The following NDUFV2 variants were observed in gnomAD, a reference collection of about 807,000 sequenced individuals.
The protein encoded by NDUFV2 is NADH:ubiquinone oxidoreductase core subunit V2.
In NDUFV2, 18 loss-of-function variants were observed where a neutral mutation model predicts 31.6. The observed-to-expected ratio is 0.57, with a 90% CI of 0.39 to 0.84. The LOEUF is 0.84. NDUFV2 is among the 40% of genes least tolerant of loss of function. NDUFV2 has a pLI of 0.00. For synonymous variants in NDUFV2, 83 were observed against 99.8 expected (o/e 0.83, Z 1.01); for missense variants, 314 against 303.6 (o/e 1.03, Z -0.26).
At chr18:9,116,939 A>C (rs2077901177) in intron 1 of NDUFV2, among the ~76,000 whole-genome samples, 1 of 152,174 alleles carries the variant, frequency 6.6e-6, no homozygotes. Flanking sequence ...GCAAGAGGGC[A>C]AAGAGAAATG....
chr18:9,111,440 T>A (rs6506641), intron 1 of NDUFV2, among the ~76,000 whole-genome samples: 2 of 151,472 alleles, frequency 1.3e-5, no homozygotes, highest in African/African-American at 2.4e-5. Context: ...CTTTTTTTTT[T>A]CCCCCCGAGA....
chr18:9,125,085 C>T (rs2077977696), intron 6 of NDUFV2, 102 bp downstream of exon 6: 3 of 1,230,812 alleles, frequency 2.4e-6, no homozygotes, highest in Admixed American at 4.5e-5. Flanking sequence ...CTGAATTACT[C>T]ATTTAGAAGA....
chr18:9,102,934 C>A, intron 1 of NDUFV2, 137 bp downstream of exon 1: 1 of 861,260 alleles, frequency 1.2e-6, no homozygotes, highest in Non-Finnish European at 1.7e-6. Context: ...CGGCCTTAGC[C>A]CTCTTAGGGA....
chr18:9,118,378 G>T (rs755874520), intron 2 of NDUFV2, among the ~76,000 whole-genome samples: 17 of 152,012 alleles, frequency 1.1e-4, no homozygotes, highest in Non-Finnish European at 1.8e-4. Flanking sequence ...ATTTGGAAAG[G>T]ATAAGATATT....
chr18:9,132,655 G>T (rs1298103796), intron 7 of NDUFV2, among the ~76,000 whole-genome samples: 1 of 152,122 alleles, frequency 6.6e-6, no homozygotes, highest in Non-Finnish European at 1.5e-5. Flanking sequence ...CGGACAGATT[G>T]TTTGAGCCCA....
chr18:9,132,196 C>T (rs949491212), intron 7 of NDUFV2: 1 of 152,150 alleles, frequency 6.6e-6, no homozygotes, highest in African/African-American at 2.4e-5. Flanking sequence ...ATTCTATAAT[C>T]CTGTGAAGAA....
At chr18:9,111,437 T>C (rs2077869348) in intron 1 of NDUFV2, among the ~76,000 whole-genome samples, 2 of 152,052 alleles carry the variant, frequency 1.3e-5, no homozygotes, top group Admixed American at 1.3e-4. Context: ...CATCTTTTTT[T>C]TTTCCCCCCG....
intron 7 of NDUFV2, among the ~76,000 whole-genome samples, chr18:9,129,890 T>C (rs1457337244): frequency 6.6e-6 from 1 of 152,216 alleles, no homozygotes; most frequent in African/African-American, 2.4e-5. Context: ...CTGCCATAGT[T>C]GCTATGTGGA....
At chr18:9,103,446 A>T in intron 1 of NDUFV2, 1 of 273,702 alleles carries the variant, frequency 3.7e-6, no homozygotes, top group Non-Finnish European at 6.7e-6. Context: ...AGGCAAGGAA[A>T]TTGAATTGCA....
intron 1 of NDUFV2, among the ~76,000 whole-genome samples, chr18:9,115,101 T>C (rs1250294611): frequency 6.6e-6 from 1 of 152,216 alleles, no homozygotes; most frequent in African/African-American, 2.4e-5. Context: ...TTATACCTGC[T>C]GAGTGTTTTA....
At chr18:9,121,980 TA>T (rs1488161491) in intron 4 of NDUFV2, among the ~76,000 whole-genome samples, 1 of 152,196 alleles carries the variant, frequency 6.6e-6, no homozygotes, top group East Asian at 1.9e-4. Flanking sequence ...TGTAGAGATA[TA>T]AAATTTTGAG....
At chr18:9,109,793 G>A (rs2077860774) in intron 1 of NDUFV2, among the ~76,000 whole-genome samples, 1 of 152,138 alleles carries the variant, frequency 6.6e-6, no homozygotes, top group African/African-American at 2.4e-5. Context: ...ACGAAAAAAA[G>A]TATGTAGAAG....
rs567956161 is a variant in NDUFV2 at position 9,120,588 on chromosome 18, TTATC to T, written c.300+1001_300+1004del. ...CTGAGAGAATAGGAATGTCCTCAAT[TTATC>T]TAATAGAATCCTAAATGCAAATTTT... On this transcript the variant is annotated intron_variant, in intron 4 of 7. Coordinates refer to ENST00000318388, the MANE Select transcript of NDUFV2 (RefSeq NM_021074.5). Among the ~76,000 whole-genome samples, 84 of 152,336 alleles carry T rather than the reference TTATC, an allele frequency of 5.5e-4. 1 individual carries two copies. In the East Asian group the frequency reaches 0.014, roughly 25 times the overall value.
In NDUFV2 at chr18:9,119,672, A is replaced by C; in HGVS notation, c.300+82A>C. 3.5e-6 allele frequency: 4 copies of C among 1,135,456 alleles called. No homozygotes were observed. In the Admixed American group the frequency reaches 6.9e-5, roughly 20 times the overall value. 70.3% of individuals were successfully genotyped at this position (1,135,456 alleles called of 1,614,324 possible). The stretch of plus-strand genomic sequence containing the variant: ...TCCTTTTATAGAAATTACTCTGATC[A>C]TCTCCAGTGTCAGAATCTAGGATTT... On this transcript the variant is annotated intron_variant, in intron 4 of 7. Transcript: ENST00000318388.
intron 1 of NDUFV2, among the ~76,000 whole-genome samples, chr18:9,107,962 C>T (rs1317757750): frequency 1.3e-5 from 2 of 152,320 alleles, no homozygotes; most frequent in Non-Finnish European, 2.9e-5. Context: ...TACAAAGACA[C>T]TGAAGTGCAT....
chr18:9,121,403 T>G (rs1438717262), intron 4 of NDUFV2: 1 of 152,174 alleles, frequency 6.6e-6, no homozygotes, highest in Non-Finnish European at 1.5e-5. Context: ...GGTTCCAGCA[T>G]GTATATTTTG....
chr18:9,127,001 T>C (rs1254498175), intron 7 of NDUFV2, 94 bp downstream of exon 7: 5 of 920,332 alleles, frequency 5.4e-6, no homozygotes, highest in Admixed American at 1.7e-5. Flanking sequence ...CTTAAGTTCA[T>C]AGGAATTGGT....
intron 1 of NDUFV2, among the ~76,000 whole-genome samples, chr18:9,115,267 A>G (rs578033191): frequency 6.6e-6 from 1 of 152,320 alleles, no homozygotes; most frequent in East Asian, 1.9e-4. Flanking sequence ...CTAGTCTTTT[A>G]ATCAGTGTCT....
intron 1 of NDUFV2, chr18:9,112,445 G>A (rs1346595786): frequency 2.0e-5 from 3 of 152,260 alleles, no homozygotes; most frequent in Non-Finnish European, 4.4e-5. Context: ...AGTGGTGATA[G>A]TAAGACAGGG....
Sources: gnomAD v4.1 joint callset for allele counts (sites outside exome capture counted in the v4.1 genomes callset) on GRCh38, gnomAD v4.1.1 for gene constraint, MANE v1.5 for transcripts, NCBI Gene and HGNC (gene_info 2026-07-23, HGNC 2026-07-21) for gene names.